The following PIK3C2G variants were observed in gnomAD, a reference collection of about 807,000 sequenced individuals.
PIK3C2G encodes the protein phosphatidylinositol 3-kinase C2 domain-containing subunit gamma.
In PIK3C2G, 168 loss-of-function variants were observed where a neutral mutation model predicts 181.1. The observed-to-expected ratio is 0.93, with a 90% CI of 0.82 to 1.05. The LOEUF is 1.05. PIK3C2G is among the 50% of genes least tolerant of loss of function. The probability of loss-of-function intolerance (pLI) is 0.00; values close to 1 mark genes in which losing one functional copy is unlikely to be tolerated. For synonymous variants in PIK3C2G, 573 were observed against 592.2 expected (o/e 0.97, Z 0.47); for missense variants, 1,869 against 1,732.8 (o/e 1.08, Z -1.40).
At chr12:18,519,190 G>A (rs758003907) in intron 24 of PIK3C2G, among the ~76,000 whole-genome samples, 2 of 152,202 alleles carry the variant, frequency 1.3e-5, no homozygotes, top group Non-Finnish European at 2.9e-5. Context: ...ATGTGGCACT[G>A]AGAATGTGTA....
chr12:18,520,476 C>G (rs529064446), intron 24 of PIK3C2G, among the ~76,000 whole-genome samples: 10 of 152,034 alleles, frequency 6.6e-5, no homozygotes, highest in Non-Finnish European at 1.3e-4. Context: ...TCTTCAAACT[C>G]TGATATTCTT....
intron 18 of PIK3C2G, among the ~76,000 whole-genome samples, chr12:18,479,557 C>T (rs147320137): frequency 1.3e-5 from 2 of 152,172 alleles, no homozygotes; most frequent in Non-Finnish European, 2.9e-5. Flanking sequence ...GCAAAATGCT[C>T]GGAAACACCT....
intron 31 of PIK3C2G, among the ~76,000 whole-genome samples, chr12:18,615,330 GGTGTGTGT>G (rs3055216): frequency 1.1e-3 from 148 of 138,194 alleles, no homozygotes; most frequent in African/African-American, 3.6e-3. Context: ...AGTATTCCAC[GGTGTGTGT>G]GTGTGTGTGT....
At chr12:18,545,007 C>T (rs1056579652) in intron 25 of PIK3C2G, among the ~76,000 whole-genome samples, 2 of 151,826 alleles carry the variant, frequency 1.3e-5, no homozygotes, top group Non-Finnish European at 2.9e-5. Flanking sequence ...TACATAACCA[C>T]AATGATCTTT....
intron 5 of PIK3C2G, among the ~76,000 whole-genome samples, chr12:18,307,585 C>T (rs1397805903): frequency 6.6e-6 from 1 of 151,808 alleles, no homozygotes; most frequent in African/African-American, 2.4e-5. Context: ...TTTCTTAGAG[C>T]ACAACCCTTC....
At chr12:18,697,860 T>G in the PIK3C2G span, among the ~76,000 whole-genome samples, 1 of 147,882 alleles carries the variant, frequency 6.8e-6, no homozygotes, top group African/African-American at 2.6e-5. Flanking sequence ...AAGTTAAACC[T>G]TTGCAGACAT....
chr12:18,367,470 G>A (rs1258619865), intron 12 of PIK3C2G, among the ~76,000 whole-genome samples: 4 of 152,140 alleles, frequency 2.6e-5, no homozygotes, highest in African/African-American at 9.6e-5. Flanking sequence ...TCTCCATTAA[G>A]TCTAGCTAGA....
At chr12:18,718,526 C>G in the PIK3C2G span, among the ~76,000 whole-genome samples, 2 of 152,130 alleles carry the variant, frequency 1.3e-5, no homozygotes, top group African/African-American at 4.8e-5. Flanking sequence ...TCTCTAGCCA[C>G]ATTTGCCATT....
At chr12:18,284,409 G>A (rs925249691) in intron 2 of PIK3C2G, among the ~76,000 whole-genome samples, 2 of 150,108 alleles carry the variant, frequency 1.3e-5, no homozygotes, top group African/African-American at 4.9e-5. Flanking sequence ...GCCTGCCAAT[G>A]AAAAAAAAAC....
chr12:18,503,204 A>G, intron 22 of PIK3C2G, 77 bp from the exon 23 acceptor site: 1 of 1,059,874 alleles, frequency 9.4e-7, no homozygotes, highest in Non-Finnish European at 1.4e-6. Flanking sequence ...GCTGGAAGCT[A>G]TTGTTGTTAT....
chr12:18,399,865 A>C lies in PIK3C2G; in HGVS notation c.2315+18A>C, dbSNP rs775996358. 1.1e-5 allele frequency: 16 copies of C among 1,523,428 alleles called. No individual in the cohort carries two copies. The South Asian group carries it at 1.6e-4, about 15-fold the overall frequency. The allele number at this position is 1,523,428 out of a possible 1,614,324, so 94.4% of individuals were successfully genotyped here. A position where few individuals can be genotyped will look rare whatever the true frequency, so the allele number is the denominator to read the frequency against. ...ACTTCCAGGTAAGAATTGCATAACA[A>C]GCATGATATTACTGACTGAGAAGAA... On this transcript the variant is annotated intron_variant, in intron 16 of 32. Transcript: ENST00000538779.
chr12:18,287,661 G>A (rs1029853131), intron 3 of PIK3C2G, among the ~76,000 whole-genome samples: 1 of 151,560 alleles, frequency 6.6e-6, no homozygotes, highest in African/African-American at 2.4e-5. Context: ...TTTGAGACCA[G>A]CCTGGCCAAA....
intron 16 of PIK3C2G, among the ~76,000 whole-genome samples, chr12:18,402,977 G>T (rs1403485344): frequency 6.6e-6 from 1 of 152,104 alleles, no homozygotes; most frequent in African/African-American, 2.4e-5. Flanking sequence ...GTTGCCTCAA[G>T]TGCCCTGTAA....
chr12:18,320,181 G>A (rs1005091814), intron 6 of PIK3C2G: 2 of 152,072 alleles, frequency 1.3e-5, no homozygotes, highest in African/African-American at 4.8e-5. Context: ...AGGCATTAAG[G>A]GACCCACTCA....
At chr12:18,512,112 A>G (rs1942249820) in intron 24 of PIK3C2G, among the ~76,000 whole-genome samples, 1 of 152,028 alleles carries the variant, frequency 6.6e-6, no homozygotes, top group South Asian at 2.1e-4. Flanking sequence ...GTCAAAAACA[A>G]GTTGACCATA....
chr12:18,414,099 T>C (rs1383441808), intron 16 of PIK3C2G, among the ~76,000 whole-genome samples: 1 of 152,144 alleles, frequency 6.6e-6, no homozygotes, highest in Non-Finnish European at 1.5e-5. Context: ...TCTCCAGAGG[T>C]ATTCTATGTT....
chr12:18,333,712 C>A (rs1055727367), intron 8 of PIK3C2G, among the ~76,000 whole-genome samples: 4 of 152,096 alleles, frequency 2.6e-5, no homozygotes, highest in African/African-American at 9.7e-5. Flanking sequence ...AACTACTGAA[C>A]CTGGAATGAA....
intron 18 of PIK3C2G, among the ~76,000 whole-genome samples, chr12:18,434,861 T>C (rs1043289598): frequency 6.6e-6 from 1 of 152,156 alleles, no homozygotes; most frequent in Non-Finnish European, 1.5e-5. Flanking sequence ...CAAAAAAAGA[T>C]TACTAGCTAA....
At chr12:18,295,292 G>C (rs1275631386) in intron 5 of PIK3C2G, among the ~76,000 whole-genome samples, 1 of 151,802 alleles carries the variant, frequency 6.6e-6, no homozygotes, top group Admixed American at 6.6e-5. Context: ...AATCCAATGA[G>C]CACAGGAAAG....
Sources: allele counts gnomAD v4.1 joint callset (sites outside exome capture counted in the v4.1 genomes callset), GRCh38; gene constraint gnomAD v4.1.1; transcripts MANE v1.5; gene names NCBI Gene and HGNC (gene_info 2026-07-23, HGNC 2026-07-21).